The following SDK1 variants were observed in gnomAD, a reference collection of about 807,000 sequenced individuals.
SDK1 encodes protein sidekick-1.
In SDK1, 157 loss-of-function variants were observed where a neutral mutation model predicts 245.5. That is an observed-to-expected ratio of 0.64 (90% CI 0.56 to 0.73). The LOEUF (loss-of-function observed/expected upper bound fraction) is 0.73, where lower values mean the gene tolerates loss of function less well. Among genes scored for constraint, SDK1 ranks in the 30% least tolerant of loss-of-function variants. The pLI, the probability that SDK1 is intolerant of heterozygous loss-of-function variation, is 0.00. For missense variants in SDK1, 3,583 were observed against 3,002.3 expected, an observed-to-expected ratio of 1.19 and a Z score of -4.52; for synonymous variants, 1,647 against 1,278.5, an observed-to-expected ratio of 1.29 and a Z score of -6.15.
chr7:3,388,519 G>GCTT (rs1350803431), intron 1 of SDK1, among the ~76,000 whole-genome samples: 11 of 151,918 alleles, frequency 7.2e-5, no homozygotes, highest in Non-Finnish European at 1.2e-4. Flanking sequence ...CCCCATCTTA[G>GCTT]CTTCCCAAAG....
chr7:3,812,429 C>G (rs564809418), intron 4 of SDK1, among the ~76,000 whole-genome samples: 1 of 152,260 alleles, frequency 6.6e-6, no homozygotes, highest in Non-Finnish European at 1.5e-5. Context: ...AGAAATTCCA[C>G]CCTGCAACTT....
At position 4,265,735 on chromosome 7, in the gene SDK1, G is replaced by T. The variant is rs1028830118; in HGVS notation, c.*351G>T. 1.9e-6 allele frequency: 2 copies of T among 1,065,924 alleles called. No individual in the cohort carries two copies. The allele number at this position is 1,065,924 out of a possible 1,614,324, so 66.0% of individuals were successfully genotyped here. ...CAAGACCAACTAGGAAGGGTCAAGCGGGGAGAGGGAGTGGAGGGTCAGGTG... is the reference window on the plus strand; with the variant it reads ...CAAGACCAACTAGGAAGGGTCAAGCTGGGAGAGGGAGTGGAGGGTCAGGTG... On this transcript the variant is annotated 3_prime_UTR_variant, in exon 45 of 45. Transcript: ENST00000404826.
chr7:3,682,830 C>G (rs1244929845), intron 4 of SDK1, among the ~76,000 whole-genome samples: 2 of 152,016 alleles, frequency 1.3e-5, no homozygotes, highest in East Asian at 3.9e-4. Flanking sequence ...CCCCCACTTC[C>G]CAGGTTCAAG....
At chr7:3,781,951 T>C (rs1349947298) in intron 4 of SDK1, among the ~76,000 whole-genome samples, 1 of 152,140 alleles carries the variant, frequency 6.6e-6, no homozygotes, top group Non-Finnish European at 1.5e-5. Flanking sequence ...CTTTGTATAA[T>C]GTGAATTAAG....
At chr7:3,627,959 C>T (rs1398537609) in intron 2 of SDK1, among the ~76,000 whole-genome samples, 1 of 152,168 alleles carries the variant, frequency 6.6e-6, no homozygotes, top group East Asian at 1.9e-4. Flanking sequence ...GCCCAAGTGT[C>T]TCTTTATATC....
chr7:3,565,205 T>C (rs1583171735), intron 1 of SDK1, among the ~76,000 whole-genome samples: 1 of 152,108 alleles, frequency 6.6e-6, no homozygotes, highest in African/African-American at 2.4e-5. Context: ...TTCCATCCGC[T>C]GTAGCAGGAA....
At chr7:4,129,578 T>A in intron 26 of SDK1, 1 of 898,964 alleles carries the variant, frequency 1.1e-6, no homozygotes, top group Non-Finnish European at 1.4e-6. Context: ...CAGAGTGTTG[T>A]CTGTGTTCAT....
chr7:3,591,281 C>G (rs1437070576), intron 1 of SDK1, among the ~76,000 whole-genome samples: 4 of 152,110 alleles, frequency 2.6e-5, no homozygotes, highest in Non-Finnish European at 5.9e-5. Flanking sequence ...AGTGCCAGGA[C>G]CTAAGTTTTT....
intron 1 of SDK1, among the ~76,000 whole-genome samples, chr7:3,355,859 G>T (rs1444941474): frequency 6.6e-6 from 1 of 152,182 alleles, no homozygotes; most frequent in African/African-American, 2.4e-5. Flanking sequence ...TTTGCAGCAT[G>T]TCTGCAGTCT....
chr7:3,870,396 AGGATGTAGGTGT>A (rs1780927622), intron 5 of SDK1, among the ~76,000 whole-genome samples: 1 of 152,154 alleles, frequency 6.6e-6, no homozygotes, highest in South Asian at 2.1e-4. Context: ...GTGCTCAATA[AGGATGTAGGTGT>A]TATACTGAAC....
intron 1 of SDK1, among the ~76,000 whole-genome samples, chr7:3,468,600 C>T (rs989931917): frequency 6.6e-6 from 1 of 151,914 alleles, no homozygotes; most frequent in South Asian, 2.1e-4. Context: ...GTCATAACAC[C>T]CTCATTCCAG....
intron 35 of SDK1, among the ~76,000 whole-genome samples, chr7:4,183,938 G>A (rs1425272603): frequency 6.6e-6 from 1 of 152,188 alleles, no homozygotes; most frequent in African/African-American, 2.4e-5. Flanking sequence ...GCCTGGCAGT[G>A]CCAACCCTGC....
Position 4,158,620 on chromosome 7 carries a change from C to T in SDK1, c.4729+69C>T. 4 of 1,186,280 alleles carry T rather than the reference C, an allele frequency of 3.4e-6. No individual in the cohort carries two copies. The South Asian group carries it at 5.0e-5, about 15-fold the overall frequency. 73.5% of individuals were successfully genotyped at this position (1,186,280 alleles called of 1,614,324 possible). A position where few individuals can be genotyped will look rare whatever the true frequency, so the allele number is the denominator to read the frequency against. On this transcript the variant is annotated intron_variant, in intron 31 of 44. Coordinates refer to ENST00000404826, the MANE Select transcript of SDK1 (RefSeq NM_152744.4). Reference sequence around the variant, plus strand: ...TGGAGCCCGAGATACTTAGGCCACACTTTCGTCTTGAGCCAGAAAGGGGCC... The same window carrying T: ...TGGAGCCCGAGATACTTAGGCCACATTTTCGTCTTGAGCCAGAAAGGGGCC...
At chr7:3,582,683 TAAAAAAAAAAAAAAAA>T (rs71029682) in intron 1 of SDK1, among the ~76,000 whole-genome samples, 1 of 69,672 alleles carries the variant, frequency 1.4e-5, no homozygotes, top group Non-Finnish European at 2.7e-5. Flanking sequence ...TAAACTAAAG[TAAAAAAAAAAAAAAAA>T]AAAAAAAAAA....
chr7:4,104,195 GA>G (rs1469355401), intron 22 of SDK1, among the ~76,000 whole-genome samples: 1 of 152,184 alleles, frequency 6.6e-6, no homozygotes, highest in Non-Finnish European at 1.5e-5. Flanking sequence ...GAGTAGCTGG[GA>G]CTACAGGCAT....
At chr7:3,308,481 T>C (rs1208592216) in intron 1 of SDK1, among the ~76,000 whole-genome samples, 3 of 152,186 alleles carry the variant, frequency 2.0e-5, no homozygotes, top group Non-Finnish European at 2.9e-5. Context: ...ACTGGCACTT[T>C]ATTGATATAC....
intron 1 of SDK1, among the ~76,000 whole-genome samples, chr7:3,432,212 C>G (rs1779872516): frequency 6.7e-6 from 1 of 149,824 alleles, no homozygotes; most frequent in African/African-American, 2.5e-5. Flanking sequence ...TGAACTTTTT[C>G]CAGGTTAAGA....
chr7:3,802,426 T>C (rs1466969535), intron 4 of SDK1, among the ~76,000 whole-genome samples: 3 of 152,096 alleles, frequency 2.0e-5, no homozygotes, highest in Non-Finnish European at 4.4e-5. Flanking sequence ...TCCCAGCTAC[T>C]CAGCAGGCTG....
At chr7:3,734,223 G>A (rs1438976704) in intron 4 of SDK1, among the ~76,000 whole-genome samples, 1 of 152,096 alleles carries the variant, frequency 6.6e-6, no homozygotes, top group Non-Finnish European at 1.5e-5. Flanking sequence ...TGTATCATTA[G>A]GTGCCCCACT....
Sources: gnomAD v4.1 joint callset for allele counts (sites outside exome capture counted in the v4.1 genomes callset) on GRCh38, gnomAD v4.1.1 for gene constraint, MANE v1.5 for transcripts, NCBI Gene and HGNC (gene_info 2026-07-23, HGNC 2026-07-21) for gene names.